RBPJ: variants seen among roughly 807,000 people sequenced by gnomAD.
RBPJ encodes the protein recombining binding protein suppressor of hairless.
RBPJ carries 9 observed loss-of-function variants against 67.8 expected under a neutral mutation model. The observed-to-expected ratio is 0.13, with a 90% confidence interval of 0.08 to 0.23. The LOEUF is 0.23. Among genes scored for constraint, RBPJ ranks in the 10% least tolerant of loss-of-function variants. RBPJ has a pLI of 1.00. For synonymous variants in RBPJ, 198 were observed against 203.3 expected (o/e 0.97, Z 0.22); for missense variants, 305 against 595.6 (o/e 0.51, Z 5.08).
chr4:26,153,589 C>T, the RBPJ span, among the ~76,000 whole-genome samples: 1 of 152,198 alleles, frequency 6.6e-6, no homozygotes, highest in Non-Finnish European at 1.5e-5. Flanking sequence ...CCTCCAGTGT[C>T]ACTGGCCTTA....
rs77861777 is a variant in RBPJ at position 26,187,522 on chromosome 4, T to C, written c.-167+23908T>C. ...ACACAATTGAACAGAACAACATAAA[T>C]ATATTTTAACTCTGAGATATAATTA... On this transcript the variant is annotated intron_variant, in intron 1 of 4. Coordinates refer to the RBPJ transcript ENST00000512351. Among the ~76,000 whole-genome samples, 768 of 152,296 alleles carry C rather than the reference T, an allele frequency of 5.0e-3. 5 individuals are homozygous for C. The highest frequency in any genetic ancestry group is 0.018 in the African/African-American group (728 of 41,560).
At chr4:26,414,637 G>T (rs1734379646) in intron 3 of RBPJ, among the ~76,000 whole-genome samples, 2 of 152,168 alleles carry the variant, frequency 1.3e-5, no homozygotes, top group African/African-American at 4.8e-5. Context: ...CCCTATATAA[G>T]GACTGGATTG....
chr4:26,111,501 G>C, the RBPJ span, among the ~76,000 whole-genome samples: 1 of 152,172 alleles, frequency 6.6e-6, no homozygotes, highest in Admixed American at 6.5e-5. Context: ...AACAAGCTTT[G>C]CAATTTCACA....
At chr4:26,389,524 C>T (rs1731278888) in intron 2 of RBPJ, among the ~76,000 whole-genome samples, 1 of 146,152 alleles carries the variant, frequency 6.8e-6, no homozygotes, top group South Asian at 2.3e-4. Context: ...TGCAAATAGG[C>T]CTTAGCTACA....
chr4:26,401,079 G>A (rs766822939), intron 2 of RBPJ, among the ~76,000 whole-genome samples: 3 of 152,226 alleles, frequency 2.0e-5, no homozygotes, highest in African/African-American at 4.8e-5. Context: ...GTTGAAGGTT[G>A]AAGTCTTCTT....
intron 1 of RBPJ, among the ~76,000 whole-genome samples, chr4:26,381,767 T>C (rs1003107569): frequency 6.6e-6 from 1 of 152,200 alleles, no homozygotes; most frequent in African/African-American, 2.4e-5. Flanking sequence ...AACTATATCC[T>C]GGTTCATTTT....
intron 1 of RBPJ, among the ~76,000 whole-genome samples, chr4:26,248,300 T>C (rs1258969028): frequency 2.0e-5 from 3 of 152,072 alleles, no homozygotes; most frequent in Non-Finnish European, 4.4e-5. Context: ...CAAAAATCAA[T>C]CAATCAATCA....
chr4:26,246,158 TATC>T (rs1485754251), intron 1 of RBPJ, among the ~76,000 whole-genome samples: 1 of 152,208 alleles, frequency 6.6e-6, no homozygotes, highest in Non-Finnish European at 1.5e-5. Context: ...TGGGAACTAT[TATC>T]ATCTTAATTG....
intron 3 of RBPJ, among the ~76,000 whole-genome samples, chr4:26,414,900 A>G (rs1234683165): frequency 6.6e-6 from 1 of 152,208 alleles, no homozygotes; most frequent in African/African-American, 2.4e-5. Context: ...ATTCAAAGAT[A>G]TATAAAACAC....
intron 1 of RBPJ, among the ~76,000 whole-genome samples, chr4:26,237,071 C>A (rs1719475389): frequency 1.3e-5 from 2 of 152,284 alleles, no homozygotes; most frequent in South Asian, 4.2e-4. Context: ...ACCCATGAAG[C>A]AAATGACATC....
At chr4:26,137,241 C>T in the RBPJ span, among the ~76,000 whole-genome samples, 1 of 152,152 alleles carries the variant, frequency 6.6e-6, no homozygotes, top group Non-Finnish European at 1.5e-5. Flanking sequence ...TTTTCCCACC[C>T]CAGCTTTATG....
In RBPJ at chr4:26,239,106, A is replaced by G. The variant is rs1020442157; in HGVS notation, c.-167+75492A>G. 7.2e-5 allele frequency among the ~76,000 whole-genome samples: 11 copies of G among 152,274 alleles called. No homozygotes were observed. The East Asian group carries it at 1.9e-3, about 27-fold the overall frequency. On this transcript the variant is annotated intron_variant, in intron 1 of 4. Coordinates refer to the RBPJ transcript ENST00000512351. ...GCAACGACTGCTCAGATAATAGCCTAACTTCCAAGACCTGCTCCTCCCTCC... is the reference window on the plus strand; with the variant it reads ...GCAACGACTGCTCAGATAATAGCCTGACTTCCAAGACCTGCTCCTCCCTCC...
intron 1 of RBPJ, among the ~76,000 whole-genome samples, chr4:26,323,326 T>G (rs1723282948): frequency 6.6e-6 from 1 of 152,130 alleles, no homozygotes; most frequent in Admixed American, 6.5e-5. Context: ...ATGGAAGGTA[T>G]TTTGCTCTGA....
chr4:26,325,015 G>C (rs1213522597), intron 1 of RBPJ, among the ~76,000 whole-genome samples: 1 of 152,170 alleles, frequency 6.6e-6, no homozygotes, highest in Non-Finnish European at 1.5e-5. Context: ...CCTTAGAAAA[G>C]TGTTTTGCAT....
intron 1 of RBPJ, among the ~76,000 whole-genome samples, chr4:26,249,102 T>G (rs1055510039): frequency 6.6e-6 from 1 of 151,938 alleles, no homozygotes; most frequent in Non-Finnish European, 1.5e-5. Context: ...AATAACTATT[T>G]GTTGAATGAA....
At chr4:26,277,132 T>A (rs975717416) in intron 1 of RBPJ, among the ~76,000 whole-genome samples, 4 of 140,024 alleles carry the variant, frequency 2.9e-5, no homozygotes, top group Non-Finnish European at 3.2e-5. Context: ...AAAAAAAAAA[T>A]TTAAATTAGC....
At chr4:26,323,168 A>C (rs1723266977) in intron 1 of RBPJ, among the ~76,000 whole-genome samples, 1 of 151,938 alleles carries the variant, frequency 6.6e-6, no homozygotes, top group Non-Finnish European at 1.5e-5. Flanking sequence ...TTTTTTTGTG[A>C]AAATCTGCAG....
At chr4:26,267,663 A>G (rs951707504) in intron 1 of RBPJ, among the ~76,000 whole-genome samples, 10 of 152,182 alleles carry the variant, frequency 6.6e-5, no homozygotes, top group African/African-American at 2.4e-4. Flanking sequence ...GCTGGAGTAC[A>G]GTGGCACGAT....
intron 1 of RBPJ, among the ~76,000 whole-genome samples, chr4:26,295,036 G>A (rs545613466): frequency 2.2e-4 from 34 of 152,164 alleles, no homozygotes; most frequent in Non-Finnish European, 4.7e-4. Context: ...CCCTTCTTAG[G>A]AATGATCCCT....
Sources: gnomAD v4.1 joint callset for allele counts (sites outside exome capture counted in the v4.1 genomes callset) on GRCh38, gnomAD v4.1.1 for gene constraint, MANE v1.5 for transcripts, NCBI Gene and HGNC (gene_info 2026-07-23, HGNC 2026-07-21) for gene names.